NFXL1: variants seen among roughly 807,000 people sequenced by gnomAD.
NFXL1 encodes the protein NF-X1-type zinc finger protein NFXL1.
NFXL1 carries 66 observed loss-of-function variants against 123.3 expected under a neutral mutation model. The ratio of observed to expected loss-of-function variants is 0.54; its 90% CI spans 0.44 to 0.66. The LOEUF (loss-of-function observed/expected upper bound fraction) is 0.66. Ranked by LOEUF, NFXL1 falls within the 30% of genes least tolerant of loss-of-function variation. The probability of loss-of-function intolerance (pLI) is 0.00; values close to 1 mark genes in which losing one functional copy is unlikely to be tolerated. For missense variants in NFXL1, 944 were observed against 1,125.6 expected, an observed-to-expected ratio of 0.84 and a Z score of 2.31; for synonymous variants, 346 against 360.8, an observed-to-expected ratio of 0.96 and a Z score of 0.46.
At chr4:47,879,549 T>C (rs1735955529) in intron 15 of NFXL1, among the ~76,000 whole-genome samples, 1 of 152,180 alleles carries the variant, frequency 6.6e-6, no homozygotes, top group Non-Finnish European at 1.5e-5. Flanking sequence ...TCCCAGCAAG[T>C]TATTTTGTAT....
intron 1 of NFXL1, 71 bp downstream of exon 1, chr4:47,914,294 T>C: frequency 9.6e-7 from 1 of 1,038,402 alleles, no homozygotes; most frequent in Non-Finnish European, 1.3e-6. Flanking sequence ...AAACCCGGTG[T>C]GAGGGGCCGA....
chr4:47,875,484 A>G (rs952086852), intron 17 of NFXL1, among the ~76,000 whole-genome samples, 191 bp from the exon 18 acceptor site: 2 of 152,208 alleles, frequency 1.3e-5, no homozygotes, highest in Non-Finnish European at 2.9e-5. Context: ...CAAGATTGTC[A>G]ATATGACTAT....
chr4:47,908,535 G>A (rs1455211831), intron 3 of NFXL1, among the ~76,000 whole-genome samples: 1 of 152,004 alleles, frequency 6.6e-6, no homozygotes, highest in African/African-American at 2.4e-5. Flanking sequence ...CTGAATCCTG[G>A]CATCACTGGC....
chr4:47,874,241 C>T (rs551109291), intron 18 of NFXL1, among the ~76,000 whole-genome samples: 2 of 152,312 alleles, frequency 1.3e-5, no homozygotes, highest in African/African-American at 4.8e-5. Context: ...CACAACGTGG[C>T]TAACTGTTTG....
At chr4:47,908,559 T>A (rs1737667744) in intron 3 of NFXL1, among the ~76,000 whole-genome samples, 2 of 152,102 alleles carry the variant, frequency 1.3e-5, no homozygotes, top group African/African-American at 2.4e-5. Flanking sequence ...ATACTTCTCA[T>A]GAAAGCACAA....
rs762526388 is a variant in NFXL1 at position 47,851,164 on chromosome 4, C to T, written c.2509-16G>A. ...CTTCTTTTATCTGTTTATACACATACAAAAGTCAATTTACAATTTAGTCAT... is the reference window on the plus strand; with the variant it reads ...CTTCTTTTATCTGTTTATACACATATAAAAGTCAATTTACAATTTAGTCAT... On this transcript the variant is annotated splice_polypyrimidine_tract_variant and intron_variant, in intron 21 of 22. Coordinates refer to ENST00000507489, the MANE Select transcript of NFXL1 (RefSeq NM_001278624.2). The T allele has an allele frequency of 1.2e-5, 19 of 1,590,068 alleles. No homozygotes were observed. Among genetic ancestry groups the T allele is most frequent in the African/African-American group, 8.1e-5 (6 of 74,382 alleles).
intron 22 of NFXL1, among the ~76,000 whole-genome samples, chr4:47,848,934 T>G (rs1053365086): frequency 1.3e-5 from 2 of 152,044 alleles, no homozygotes; most frequent in Admixed American, 6.6e-5. Flanking sequence ...TCTTATTAAA[T>G]CAGGATGCTC....
chr4:47,865,759 G>C (rs1735023666), intron 18 of NFXL1, among the ~76,000 whole-genome samples: 1 of 143,580 alleles, frequency 7.0e-6, no homozygotes, highest in Admixed American at 6.7e-5. Context: ...CGGAGGCCGA[G>C]GAAGGTGAAC....
Position 47,855,162 on chromosome 4 carries a change from A to G in NFXL1, c.2318T>C (p.Leu773Pro). 1 of 1,552,532 alleles carries G rather than the reference A, an allele frequency of 6.4e-7. No homozygotes were observed. The highest frequency in any genetic ancestry group is 8.8e-7 in the Non-Finnish European group (1 of 1,135,688). ...SCCKNQCPKE[L>P]PCGHRCKEMC... is the part of the protein sequence containing the mutation. ...CTCTTTGCATCTATGACCACAAGGA[A>G]GCTAAAATAAAATCAAAATAAAGCA... Residue 773 changes from leucine to proline, a missense_variant and splice_region_variant, in exon 20 of 23, where the codon CTT (leucine) becomes CCT (proline). Coordinates refer to ENST00000507489, the MANE Select transcript of NFXL1 (RefSeq NM_001278624.2).
At chr4:47,887,705 G>C (rs1410451424) in intron 12 of NFXL1, among the ~76,000 whole-genome samples, 2 of 152,078 alleles carry the variant, frequency 1.3e-5, no homozygotes, top group Admixed American at 6.6e-5. Context: ...TTCAGCAGAG[G>C]AACCTTTTTG....
chr4:47,899,589 T>TAA, intron 5 of NFXL1, 41 bp from the exon 6 acceptor site: 1 of 1,310,820 alleles, frequency 7.6e-7, no homozygotes, highest in Admixed American at 1.7e-5. Flanking sequence ...ACTTCACCTT[T>TAA]AAAAGCAACA....
chr4:47,861,626 ATTTAT>A (rs57524485), intron 19 of NFXL1, among the ~76,000 whole-genome samples: 51,494 of 151,732 alleles, frequency 0.34, 9,069 homozygotes, highest in East Asian at 0.59. Context: ...ATAGAATAAA[ATTTAT>A]TTTAACAAGG....
At chr4:47,848,457 G>T in intron 22 of NFXL1, 121 bp from the exon 23 acceptor site, 2 of 724,302 alleles carry the variant, frequency 2.8e-6, no homozygotes, top group Non-Finnish European at 4.3e-6. Flanking sequence ...TCAATATATT[G>T]ATTTGATTTT....
rs1347352067 is a variant in NFXL1 at position 47,884,382 on chromosome 4, G to A, written c.1880C>T (p.Ala627Val). The stretch of plus-strand genomic sequence containing the variant: ...AACTTGACATGGAGGACACGGTAAT[G>A]CAGTCTGAATAAATGCTGGCTCAGA... The part of the protein sequence containing the change: ...QPSEPAFIQT[A>V]LPCPPCQVPI... Residue 627 changes from alanine to valine, a missense_variant, in exon 15 of 23, where the codon GCA (alanine) becomes GTA (valine). Ala to Val is a moderately conservative substitution (Grantham distance 64). Coordinates refer to ENST00000507489, the MANE Select transcript of NFXL1 (RefSeq NM_001278624.2). 6.2e-6 allele frequency: 10 copies of A among 1,609,194 alleles called. No individual in the cohort carries two copies. The highest frequency in any genetic ancestry group is 1.6e-4 in the Middle Eastern group (1 of 6,072).
At chr4:47,853,536 A>G (rs1165167783) in intron 20 of NFXL1, among the ~76,000 whole-genome samples, 1 of 152,086 alleles carries the variant, frequency 6.6e-6, no homozygotes, top group East Asian at 1.9e-4. Flanking sequence ...AGCCTTCCCA[A>G]GGGAACCTGG....
At chr4:47,868,082 G>A (rs1169592297) in intron 18 of NFXL1, among the ~76,000 whole-genome samples, 1 of 152,174 alleles carries the variant, frequency 6.6e-6, no homozygotes, top group Admixed American at 6.5e-5. Flanking sequence ...TTGGGAGGCC[G>A]AGGCGGGTGG....
intron 17 of NFXL1, among the ~76,000 whole-genome samples, chr4:47,876,538 T>C (rs1040295679): frequency 9.2e-5 from 14 of 151,976 alleles, no homozygotes; most frequent in East Asian, 3.9e-4. Context: ...CAGATGAAAG[T>C]TGGGAAAGAT....
chr4:47,893,750 T>C lies in NFXL1; in HGVS notation c.1452+430A>G, dbSNP rs927066844. The stretch of plus-strand genomic sequence containing the variant: ...GGAAATGTGAATCTATACAAAAAGA[T>C]GAAAAGCACCTAAGTAAGTATGATG... On this transcript the variant is annotated intron_variant, in intron 11 of 22. Transcript: ENST00000507489. Among the ~76,000 whole-genome samples the C allele has an allele frequency of 2.6e-5, 4 of 151,990 alleles. No homozygotes were observed. The East Asian group carries it at 7.7e-4, about 29-fold the overall frequency.
At chr4:47,876,240 T>C (rs1735746138) in intron 17 of NFXL1, among the ~76,000 whole-genome samples, 1 of 152,154 alleles carries the variant, frequency 6.6e-6, no homozygotes, top group African/African-American at 2.4e-5. Context: ...CTCCTGGAAC[T>C]TACATTTATG....
Sources: gnomAD v4.1 joint callset for allele counts (sites outside exome capture counted in the v4.1 genomes callset) on GRCh38, gnomAD v4.1.1 for gene constraint, MANE v1.5 for transcripts, NCBI Gene and HGNC (gene_info 2026-07-23, HGNC 2026-07-21) for gene names.